CALN1: variants seen among roughly 807,000 people sequenced by gnomAD.
CALN1 encodes calneuron 1.
CALN1 carries 17 observed loss-of-function variants against 30.6 expected under a neutral mutation model. The observed-to-expected ratio is 0.56, with a 90% CI of 0.38 to 0.83. The LOEUF (loss-of-function observed/expected upper bound fraction) is 0.83. Ranked by LOEUF, CALN1 falls within the 40% of genes least tolerant of loss-of-function variation. The pLI is 0.00. For synonymous variants in CALN1, 156 were observed against 131.4 expected, an observed-to-expected ratio of 1.19 and a Z score of -1.28; for missense variants, 291 against 354.9, an observed-to-expected ratio of 0.82 and a Z score of 1.45.
At chr7:71,960,538 T>C (rs1429881769) in intron 5 of CALN1, among the ~76,000 whole-genome samples, 2 of 152,210 alleles carry the variant, frequency 1.3e-5, no homozygotes. Context: ...TAGTATTCCA[T>C]GGTGTCTATG....
chr7:72,194,457 G>A (rs4719219), intron 3 of CALN1, among the ~76,000 whole-genome samples: 28,123 of 152,042 alleles, frequency 0.18, 2,824 homozygotes, highest in East Asian at 0.28. Context: ...TTTAGCCTGG[G>A]AGAGGGAGGT....
intron 5 of CALN1, among the ~76,000 whole-genome samples, chr7:71,882,033 T>C (rs1432411810): frequency 1.3e-5 from 2 of 152,036 alleles, no homozygotes; most frequent in East Asian, 1.9e-4. Context: ...ATTGTGCTAC[T>C]GGACTCCAGC....
chr7:71,861,799 A>AAG lies in CALN1; in HGVS notation c.502-51309_502-51308dup, dbSNP rs1295252426. On this transcript the variant is annotated intron_variant, in intron 5 of 6. Coordinates refer to ENST00000395275, the MANE Select transcript of CALN1 (RefSeq NM_031468.4). ...ATCCAAAAAAAAAAAAAAAAAAAAA[A>AAG]AGAGAGAGAGAGTAATGTCCAAAAC... Among the ~76,000 whole-genome samples the AAG allele has an allele frequency of 6.7e-3, 995 of 147,884 alleles. 13 individuals carry two copies. The highest frequency in any genetic ancestry group is 0.022 in the African/African-American group (857 of 39,568).
intron 6 of CALN1, among the ~76,000 whole-genome samples, chr7:71,801,428 G>GTATGTATCTATCTATCTATCTATCTATC (rs1461292230): frequency 6.8e-5 from 6 of 87,698 alleles, no homozygotes; most frequent in Non-Finnish European, 1.3e-4. Context: ...ATGTATGTAT[G>GTATGTATCTATCTATCTATCTATCTATC]TATCTATCTA....
At chr7:71,960,174 TAAATAAATAAAATAAAATAAA>T (rs1424908367) in intron 5 of CALN1, among the ~76,000 whole-genome samples, 1 of 111,358 alleles carries the variant, frequency 9.0e-6, no homozygotes, top group Non-Finnish European at 2.0e-5. Flanking sequence ...AATAAATAAA[TAAATAAATAAAATAAAATAAA>T]AAAATAAAAT....
At chr7:72,336,698 A>G in intron 2 of CALN1, 1 of 985,290 alleles carries the variant, frequency 1.0e-6, no homozygotes, top group Non-Finnish European at 1.2e-6. Flanking sequence ...CGGCGGCGGC[A>G]CTCACCTCTT....
intron 2 of CALN1, among the ~76,000 whole-genome samples, chr7:72,302,918 C>T (rs117356449): frequency 5.4e-5 from 3 of 55,424 alleles, no homozygotes; most frequent in East Asian, 1.2e-3. Flanking sequence ...AAAAAAAAAA[C>T]GAAAAGAATC....
chr7:71,909,902 T>C (rs1156832900), intron 5 of CALN1, among the ~76,000 whole-genome samples: 2 of 152,232 alleles, frequency 1.3e-5, no homozygotes, highest in East Asian at 3.9e-4. Flanking sequence ...ACTGGGTAAT[T>C]TATAAAGAAA....
chr7:72,331,881 G>A (rs1801702683), intron 2 of CALN1, among the ~76,000 whole-genome samples: 3 of 64,694 alleles, frequency 4.6e-5, no homozygotes, highest in Admixed American at 3.1e-4. Flanking sequence ...ACAGGCCCCA[G>A]TGTGTTTGTG....
intron 2 of CALN1, among the ~76,000 whole-genome samples, chr7:72,313,968 C>G (rs891549133): frequency 6.6e-6 from 1 of 152,146 alleles, no homozygotes; most frequent in African/African-American, 2.4e-5. Flanking sequence ...CACAAATGAG[C>G]CAGACAACAG....
intron 5 of CALN1, among the ~76,000 whole-genome samples, chr7:71,834,247 A>G (rs1789471455): frequency 6.7e-6 from 1 of 150,368 alleles, no homozygotes; most frequent in Non-Finnish European, 1.5e-5. Flanking sequence ...AAACCAACAA[A>G]AAAAAACTAG....
intron 5 of CALN1, among the ~76,000 whole-genome samples, chr7:71,942,842 T>C (rs1249806508): frequency 6.6e-6 from 1 of 152,146 alleles, no homozygotes. Flanking sequence ...TCCCATTCTA[T>C]TCAAAGTCAC....
chr7:71,870,070 TATA>T (rs1465740727), intron 5 of CALN1, among the ~76,000 whole-genome samples: 7 of 152,176 alleles, frequency 4.6e-5, no homozygotes, highest in Non-Finnish European at 1.0e-4. Context: ...TACCTGCACC[TATA>T]ATATTTTATT....
chr7:71,931,115 A>G (rs1190188355), intron 5 of CALN1, among the ~76,000 whole-genome samples: 1 of 152,244 alleles, frequency 6.6e-6, no homozygotes, highest in African/African-American at 2.4e-5. Context: ...TTAACAAATA[A>G]TAATAGAGGT....
At chr7:71,790,767 T>C (rs1793335483) in intron 6 of CALN1, among the ~76,000 whole-genome samples, 2 of 152,324 alleles carry the variant, frequency 1.3e-5, no homozygotes, top group South Asian at 4.1e-4. Flanking sequence ...ATTTGTGTTT[T>C]AATAAGCTCT....
chr7:72,255,886 A>C (rs1795876289), intron 3 of CALN1, among the ~76,000 whole-genome samples: 1 of 151,982 alleles, frequency 6.6e-6, no homozygotes. Flanking sequence ...GCGCACCAGC[A>C]CGCTGGCTAA....
intron 4 of CALN1, among the ~76,000 whole-genome samples, chr7:72,044,800 C>T (rs1340635608): frequency 6.6e-6 from 1 of 151,494 alleles, no homozygotes; most frequent in Non-Finnish European, 1.5e-5. Flanking sequence ...TTTAGTTATT[C>T]GAAGAGATGG....
At chr7:72,298,848 A>T (rs141150204) in intron 2 of CALN1, among the ~76,000 whole-genome samples, 1,949 of 150,932 alleles carry the variant, frequency 0.013, 40 homozygotes, top group African/African-American at 0.044. Flanking sequence ...TTCCCTGCAC[A>T]AACTCTGCTT....
intron 1 of CALN1, among the ~76,000 whole-genome samples, chr7:72,441,597 C>CAAA (rs56230554): frequency 2.5e-4 from 20 of 79,518 alleles, no homozygotes; most frequent in Middle Eastern, 7.4e-3. Flanking sequence ...CACTCCGTCT[C>CAAA]AAAAAAAAAA....
Sources: gnomAD v4.1 joint callset for allele counts (sites outside exome capture counted in the v4.1 genomes callset) on GRCh38, gnomAD v4.1.1 for gene constraint, MANE v1.5 for transcripts, NCBI Gene and HGNC (gene_info 2026-07-23, HGNC 2026-07-21) for gene names.